SLC24A4: variants seen among roughly 807,000 people sequenced by gnomAD.
SLC24A4 encodes solute carrier family 24 member 4.
Under a neutral mutation model 79.0 loss-of-function variants are expected in SLC24A4, and 53 were observed. The observed-to-expected ratio is 0.67, with a 90% CI of 0.54 to 0.84. The LOEUF (loss-of-function observed/expected upper bound fraction) is 0.84, where lower values mean the gene tolerates loss of function less well. SLC24A4 is among the 40% of genes least tolerant of loss of function. The pLI, the probability that SLC24A4 is intolerant of heterozygous loss-of-function variation, is 0.00. For missense variants in SLC24A4, 731 were observed against 822.0 expected (o/e 0.89, Z 1.35); for synonymous variants, 323 against 323.8 (o/e 1.00, Z 0.03).
chr14:92,387,761 C>G (rs977780928), intron 2 of SLC24A4, among the ~76,000 whole-genome samples: 6 of 152,242 alleles, frequency 3.9e-5, no homozygotes, highest in Admixed American at 3.3e-4. Context: ...CTTTCTGTCT[C>G]TAAGAACTTG....
chr14:92,378,714 A>G (rs1316732202), intron 2 of SLC24A4, among the ~76,000 whole-genome samples: 1 of 152,226 alleles, frequency 6.6e-6, no homozygotes, highest in Non-Finnish European at 1.5e-5. Flanking sequence ...AATGTATTAA[A>G]GTTAATGATA....
intron 2 of SLC24A4, among the ~76,000 whole-genome samples, chr14:92,401,124 C>T (rs1346787746): frequency 3.3e-5 from 5 of 152,256 alleles, no homozygotes; most frequent in Non-Finnish European, 5.9e-5. Context: ...GACTACAGCT[C>T]ATCCCCCTGT....
intron 2 of SLC24A4, among the ~76,000 whole-genome samples, chr14:92,400,733 C>T (rs1361330249): frequency 1.3e-5 from 2 of 152,158 alleles, no homozygotes; most frequent in African/African-American, 2.4e-5. Context: ...ATTTGGTTCC[C>T]TCTGACAGGT....
At chr14:92,444,712 G>A (rs1368128430) in intron 7 of SLC24A4, among the ~76,000 whole-genome samples, 6 of 152,026 alleles carry the variant, frequency 3.9e-5, no homozygotes, top group South Asian at 2.1e-4. Context: ...AAAATTAGCC[G>A]GGTTTGGTGG....
intron 12 of SLC24A4, among the ~76,000 whole-genome samples, chr14:92,467,612 CAG>C (rs1186120727): frequency 2.0e-5 from 3 of 152,186 alleles, no homozygotes; most frequent in African/African-American, 7.2e-5. Flanking sequence ...GTCGACCAAA[CAG>C]AACCATCCAG....
At chr14:92,331,376 C>G (rs906140695) in intron 2 of SLC24A4, among the ~76,000 whole-genome samples, 1 of 152,214 alleles carries the variant, frequency 6.6e-6, no homozygotes, top group African/African-American at 2.4e-5. Flanking sequence ...CTCGACCTTC[C>G]AGGCTCAAGC....
intron 2 of SLC24A4, among the ~76,000 whole-genome samples, chr14:92,383,345 A>G (rs1010668488): frequency 5.3e-5 from 8 of 152,052 alleles, no homozygotes; most frequent in African/African-American, 1.9e-4. Context: ...GGAGGTTCAA[A>G]TGTGGAATTG....
intron 2 of SLC24A4, among the ~76,000 whole-genome samples, chr14:92,403,418 TA>T (rs997771268): frequency 6.6e-6 from 1 of 151,514 alleles, no homozygotes; most frequent in African/African-American, 2.4e-5. Context: ...CCATCCTGGC[TA>T]ACATGGTGAA....
rs1485793082 is a variant in SLC24A4 at position 92,440,395 on chromosome 14, C to A, written c.393+986C>A. Among the ~76,000 whole-genome samples the A allele has an allele frequency of 2.6e-5, 4 of 152,154 alleles. No individual in the cohort carries two copies. In the East Asian group the frequency reaches 7.7e-4, roughly 29 times the overall value. Reference sequence around the variant, plus strand: ...ATCGTGTGGGAGGGTCCACCCAGGGCCCCTGTGGAGTGTGCGCTGCAGCGA... The same window carrying A: ...ATCGTGTGGGAGGGTCCACCCAGGGACCCTGTGGAGTGTGCGCTGCAGCGA... On this transcript the variant is annotated intron_variant, in intron 4 of 16. Coordinates refer to ENST00000532405, the MANE Select transcript of SLC24A4 (RefSeq NM_153646.4).
At chr14:92,404,153 T>C (rs964787300) in intron 2 of SLC24A4, among the ~76,000 whole-genome samples, 1 of 152,194 alleles carries the variant, frequency 6.6e-6, no homozygotes, top group African/African-American at 2.4e-5. Context: ...CGGCTCTGAC[T>C]CCGCATCTAC....
intron 2 of SLC24A4, among the ~76,000 whole-genome samples, chr14:92,335,139 T>C (rs1395422214): frequency 6.6e-6 from 1 of 152,150 alleles, no homozygotes; most frequent in Non-Finnish European, 1.5e-5. Context: ...TTTAGAGCAG[T>C]TGTGGGTTTA....
At chr14:92,360,784 C>T (rs952971424) in intron 2 of SLC24A4, among the ~76,000 whole-genome samples, 8 of 152,182 alleles carry the variant, frequency 5.3e-5, no homozygotes, top group Admixed American at 2.0e-4. Context: ...AGCTAGTAAG[C>T]GACAAACTCG....
At chr14:92,356,523 G>T (rs1887189760) in intron 2 of SLC24A4, among the ~76,000 whole-genome samples, 1 of 152,206 alleles carries the variant, frequency 6.6e-6, no homozygotes, top group African/African-American at 2.4e-5. Flanking sequence ...CATTAGCTGT[G>T]TGACCTTGGG....
At chr14:92,350,937 T>G (rs1886825547) in intron 2 of SLC24A4, among the ~76,000 whole-genome samples, 1 of 152,186 alleles carries the variant, frequency 6.6e-6, no homozygotes, top group East Asian at 1.9e-4. Flanking sequence ...ACCCAGGAGC[T>G]AGCTTCCTCT....
intron 2 of SLC24A4, among the ~76,000 whole-genome samples, chr14:92,362,787 T>C (rs1887610593): frequency 6.6e-6 from 1 of 152,214 alleles, no homozygotes; most frequent in Non-Finnish European, 1.5e-5. Flanking sequence ...CCTGGGCTTG[T>C]GCTGGGTCAA....
Position 92,401,844 on chromosome 14 carries a change from C to G in SLC24A4, c.242-32068C>G, listed in dbSNP as rs1018113078. Among the ~76,000 whole-genome samples the G allele has an allele frequency of 2.6e-5, 4 of 152,088 alleles. No homozygotes were observed. In the East Asian group the frequency reaches 7.7e-4, roughly 29 times the overall value. ...TCAGTCCTAATACACTCACTGCCCT[C>G]CCCTACCAAATGCTCCAGCCTTTTC... is the stretch of plus-strand genomic sequence containing the variant. On this transcript the variant is annotated intron_variant, in intron 2 of 16. Transcript: ENST00000532405.
chr14:92,382,708 AACCCT>A (rs1183152328), intron 2 of SLC24A4, among the ~76,000 whole-genome samples: 1 of 152,168 alleles, frequency 6.6e-6, no homozygotes, highest in African/African-American at 2.4e-5. Context: ...TTGGCCACCT[AACCCT>A]ACCTGGAAAC....
intron 2 of SLC24A4, among the ~76,000 whole-genome samples, chr14:92,413,885 A>G (rs1393330688): frequency 6.6e-6 from 1 of 152,218 alleles, no homozygotes; most frequent in Non-Finnish European, 1.5e-5. Context: ...GTGTATTTGA[A>G]TCGACTGAAT....
intron 12 of SLC24A4, among the ~76,000 whole-genome samples, chr14:92,474,863 A>ATATATATT (rs36185636): frequency 0.012 from 657 of 57,014 alleles, 77 homozygotes; most frequent in South Asian, 0.016. Context: ...ATATATATAT[A>ATATATATT]TTTTTTTTTT....
Sources: allele counts gnomAD v4.1 joint callset (sites outside exome capture counted in the v4.1 genomes callset), GRCh38; gene constraint gnomAD v4.1.1; transcripts MANE v1.5; gene names NCBI Gene and HGNC (gene_info 2026-07-23, HGNC 2026-07-21).